GRM4: variants seen among roughly 807,000 people sequenced by gnomAD.
GRM4 encodes metabotropic glutamate receptor 4.
In GRM4, 28 loss-of-function variants were observed where a neutral mutation model predicts 81.7. The observed-to-expected ratio is 0.34, with a 90% CI of 0.25 to 0.47. The LOEUF is 0.47. Among genes scored for constraint, GRM4 ranks in the 20% least tolerant of loss-of-function variants. The pLI is 1.00. For missense variants in GRM4, 948 were observed against 1,290.0 expected (o/e 0.73, Z 4.06); for synonymous variants, 488 against 528.8 (o/e 0.92, Z 1.06).
chr6:34,107,059 G>C (rs544677105), intron 2 of GRM4, among the ~76,000 whole-genome samples: 1 of 152,206 alleles, frequency 6.6e-6, no homozygotes, highest in Non-Finnish European at 1.5e-5. Flanking sequence ...TGCCCAGCAC[G>C]GCCTCCATGG....
Position 34,034,071 on chromosome 6 carries a change from C to A in GRM4, c.2442+1597G>T, listed in dbSNP as rs530080777. 2.3e-4 allele frequency among the ~76,000 whole-genome samples: 35 copies of A among 152,342 alleles called. No individual in the cohort carries two copies. The highest frequency in any genetic ancestry group is 5.8e-4 in the East Asian group (3 of 5,180). ...CACAGCTCTAGATGCCAGGCTCAGGCTGACAACTCCTCAGATATGTCTCCA... is the reference window on the plus strand; with the variant it reads ...CACAGCTCTAGATGCCAGGCTCAGGATGACAACTCCTCAGATATGTCTCCA... On this transcript the variant is annotated intron_variant, in intron 9 of 10. Transcript: ENST00000538487. This position sits in a 1 kb window ranked among gnomAD's most constrained non-coding sequence, Gnocchi z 4.0.
intron 3 of GRM4, among the ~76,000 whole-genome samples, chr6:34,082,823 G>A (rs112100453): frequency 7.7e-4 from 117 of 152,290 alleles, no homozygotes; most frequent in African/African-American, 2.5e-3. Flanking sequence ...AGAGCCCCTC[G>A]GTAACTGTTC....
In GRM4 at chr6:34,155,148, G is replaced by C. The variant is rs1199959435; in HGVS notation, c.243C>G (p.Ala81=). 2.0e-6 allele frequency: 3 copies of C among 1,534,952 alleles called. No homozygotes were observed. In the Admixed American group the frequency reaches 5.9e-5, roughly 30 times the overall value. The change falls in exon 1 of 9, where the codon GCC becomes GCG. Residue 81 remains alanine, a synonymous_variant. Coordinates refer to the GRM4 transcript ENST00000374177. ...TTTCAGGGCTGCTTCCCAGCTGGGC[G>C]GCCGCCCCCTCGGATTCGTGCGCGG...
At chr6:34,102,112 T>A (rs973635472) in intron 2 of GRM4, 4 of 1,535,422 alleles carry the variant, frequency 2.6e-6, no homozygotes, top group Non-Finnish European at 3.5e-6. Context: ...TGGGAAGAGT[T>A]TGCACCATCT....
intron 9 of GRM4, among the ~76,000 whole-genome samples, chr6:34,028,871 C>G (rs1281016707): frequency 6.6e-6 from 1 of 152,156 alleles, no homozygotes; most frequent in African/African-American, 2.4e-5. Flanking sequence ...CGGATCAGAC[C>G]TCCATTCAAT....
At chr6:34,049,969 G>A (rs73410878) in intron 6 of GRM4, among the ~76,000 whole-genome samples, 2,270 of 152,188 alleles carry the variant, frequency 0.015, 51 homozygotes, top group African/African-American at 0.043. Context: ...ATCAGGTAAC[G>A]TCAATCCTCT....
At chr6:34,112,650 C>T (rs1055044186) in intron 2 of GRM4, among the ~76,000 whole-genome samples, 4 of 152,064 alleles carry the variant, frequency 2.6e-5, no homozygotes, top group African/African-American at 4.8e-5. Flanking sequence ...CTATCCTGGC[C>T]CCAACTTCTT....
intron 1 of GRM4, among the ~76,000 whole-genome samples, chr6:34,154,288 C>T (rs959987787): frequency 6.6e-6 from 1 of 152,224 alleles, no homozygotes; most frequent in Non-Finnish European, 1.5e-5. Context: ...TCCTGCTCCC[C>T]GACCCCAGCC....
chr6:34,123,365 T>TG (rs1359686765), intron 2 of GRM4, among the ~76,000 whole-genome samples: 1 of 152,272 alleles, frequency 6.6e-6, no homozygotes, highest in Non-Finnish European at 1.5e-5. Context: ...CCATGCTCCG[T>TG]GACTCAGGCC....
At chr6:34,073,376 T>C (rs199802691) in intron 3 of GRM4, among the ~76,000 whole-genome samples, 335 of 126,520 alleles carry the variant, frequency 2.6e-3, no homozygotes, top group African/African-American at 9.3e-3. Context: ...GATAACACCA[T>C]ACACATCACT....
At position 34,146,052 on chromosome 6, in the gene GRM4, C is replaced by T. The variant is rs897669174; in HGVS notation, c.-416G>A. 63 of 985,190 alleles carry T rather than the reference C, an allele frequency of 6.4e-5. 1 individual carries two copies. The Middle Eastern group carries it at 2.1e-3, about 32-fold the overall frequency. The allele number at this position is 985,190 out of a possible 1,614,324, so 61.0% of individuals were successfully genotyped here. ...CACCCCAGAGGGGGAGGGTCAGGAA[C>T]ATAGCCTCCCTAACACACACCCAGA... is the stretch of plus-strand genomic sequence containing the variant. On this transcript the variant is annotated 5_prime_UTR_variant, in exon 1 of 11. The change abolishes an upstream ATG in the 5' untranslated region. Transcript: ENST00000538487.
chr6:34,143,743 T>G (rs769141113), intron 1 of GRM4, among the ~76,000 whole-genome samples: 1 of 152,120 alleles, frequency 6.6e-6, no homozygotes, highest in Non-Finnish European at 1.5e-5. Context: ...ACGTCCACCA[T>G]TGGCTGGCCC....
intron 1 of GRM4, among the ~76,000 whole-genome samples, chr6:34,142,411 A>G (rs766481441): frequency 1.1e-4 from 16 of 152,096 alleles, no homozygotes; most frequent in Admixed American, 9.8e-4. Context: ...GGGTGGGCAG[A>G]TATCTTGGGG....
chr6:34,025,955 T>C (rs1015619802), intron 10 of GRM4, among the ~76,000 whole-genome samples: 1 of 152,126 alleles, frequency 6.6e-6, no homozygotes, highest in African/African-American at 2.4e-5. Flanking sequence ...CGGAGCACCC[T>C]CAGTGTGAGG....
At position 34,102,291 on chromosome 6, in the gene GRM4, C is replaced by G. The variant is rs1259723464; in HGVS notation, c.520-10192G>C. ...AGCTCAGAGCAGTCTGTCAGAATTACACTTGGCATTTTAACAAAGCATTTT... is the reference window on the plus strand; with the variant it reads ...AGCTCAGAGCAGTCTGTCAGAATTAGACTTGGCATTTTAACAAAGCATTTT... On this transcript the variant is annotated intron_variant, in intron 2 of 10. Coordinates refer to ENST00000538487, the MANE Select transcript of GRM4 (RefSeq NM_000841.4). The G allele has an allele frequency of 7.1e-6, 5 of 699,952 alleles. No homozygotes were observed. The East Asian group carries it at 1.4e-4, about 19-fold the overall frequency. 43.4% of individuals were successfully genotyped at this position (699,952 alleles called of 1,614,324 possible). A position where few individuals can be genotyped will look rare whatever the true frequency, so the allele number is the denominator to read the frequency against.
At chr6:34,116,233 C>T (rs909155733) in intron 2 of GRM4, among the ~76,000 whole-genome samples, 3 of 152,196 alleles carry the variant, frequency 2.0e-5, no homozygotes, top group Non-Finnish European at 4.4e-5. Context: ...GGACAGGCAG[C>T]GCTGCAGGCC....
intron 2 of GRM4, among the ~76,000 whole-genome samples, chr6:34,129,438 G>C (rs1770151724): frequency 6.6e-6 from 1 of 152,204 alleles, no homozygotes; most frequent in Non-Finnish European, 1.5e-5. Flanking sequence ...CCTGGGCTGG[G>C]CCCACAACAG....
chr6:34,082,357 C>T (rs1053032600), intron 3 of GRM4, among the ~76,000 whole-genome samples: 2 of 152,246 alleles, frequency 1.3e-5, no homozygotes, highest in African/African-American at 4.8e-5. Flanking sequence ...GGGCTCCCCA[C>T]TGGGCCCAAG....
At chr6:34,091,335 G>T (rs1768196306) in intron 3 of GRM4, among the ~76,000 whole-genome samples, 1 of 152,150 alleles carries the variant, frequency 6.6e-6, no homozygotes, top group African/African-American at 2.4e-5. Context: ...CAGGGTACGA[G>T]GGGGAGACCT....
Sources: gnomAD v4.1 joint callset for allele counts (sites outside exome capture counted in the v4.1 genomes callset) on GRCh38, gnomAD v4.1.1 for gene constraint, Gnocchi (gnomAD v3.1) non-coding constraint, MANE v1.5 for transcripts, NCBI Gene and HGNC (gene_info 2026-07-23, HGNC 2026-07-21) for gene names.